The following GPR35 variants were observed in gnomAD, a reference collection of about 807,000 sequenced individuals.
GPR35 encodes the protein KYNA receptor.
For synonymous variants in GPR35, 207 were observed against 198.4 expected (o/e 1.04, Z -0.36); for missense variants, 372 against 422.5 (o/e 0.88, Z 1.05).
At position 240,614,993 on chromosome 2, in the gene GPR35, C is replaced by T. The variant is rs571429353; in HGVS notation, c.-576-1395C>T. On this transcript the variant is annotated intron_variant, in intron 2 of 5. Transcript: ENST00000319838. ...ATATGTATCTATGTGTGTTTATATG[C>T]GAGTGTGCATGTGTGTATGCAGTGC... 4.0e-5 allele frequency among the ~76,000 whole-genome samples: 6 copies of T among 151,754 alleles called. No individual in the cohort carries two copies. The South Asian group carries it at 8.3e-4, about 21-fold the overall frequency.
rs769631074 is a variant in GPR35, at chr2:240,613,015, A to G, written c.-576-3373A>G. ...CTGCAGAAGCTGAGCAATCAGCCTCATCAGTGGCAATTCCTGGAACTCCAA... is the reference window on the plus strand; with the variant it reads ...CTGCAGAAGCTGAGCAATCAGCCTCGTCAGTGGCAATTCCTGGAACTCCAA... On this transcript the variant is annotated intron_variant, in intron 2 of 5. Coordinates refer to the GPR35 transcript ENST00000319838. Among the ~76,000 whole-genome samples, 54 of 152,266 alleles carry G rather than the reference A, an allele frequency of 3.5e-4. 1 individual carries two copies. Among genetic ancestry groups the G allele is most frequent in the Non-Finnish European group, 4.6e-4 (31 of 68,046 alleles).
chr2:240,627,657 T>G (rs1212117530), intron 1 of GPR35: 1 of 117,362 alleles, frequency 8.5e-6, no homozygotes, highest in Non-Finnish European at 1.8e-5. Context: ...TTTTTTTTTG[T>G]AGAGACGGGG....
chr2:240,619,118 C>A, intron 5 of GPR35: 1 of 658,540 alleles, frequency 1.5e-6, no homozygotes, highest in East Asian at 2.8e-5. Context: ...ATCCACCTGC[C>A]TGGGGGTTTG....
chr2:240,616,514 G>A (rs2043238886), intron 3 of GPR35: 1 of 779,216 alleles, frequency 1.3e-6, no homozygotes, highest in Admixed American at 1.7e-5. Flanking sequence ...AGATTCAGGT[G>A]AGAGTTTTGG....
At chr2:240,606,638 T>A (rs2043137131) in intron 2 of GPR35, 1 of 150,432 alleles carries the variant, frequency 6.6e-6, no homozygotes, top group Non-Finnish European at 1.5e-5. Flanking sequence ...AGACAGGGGG[T>A]TCATAGAAGA....
At chr2:240,617,515 C>T (rs375354589) in intron 4 of GPR35, 3 of 412,026 alleles carry the variant, frequency 7.3e-6, no homozygotes, top group South Asian at 6.5e-5. Flanking sequence ...CTACTTCTGT[C>T]TTCCTTCATT....
chr2:240,631,283 T>G lies in GPR35; in HGVS notation c.*401T>G. 4.4e-6 allele frequency: 1 copy of G among 229,304 alleles called. No individual in the cohort carries two copies. Among genetic ancestry groups the G allele is most frequent in the Non-Finnish European group, 9.3e-6 (1 of 107,178 alleles). 14.2% of individuals were successfully genotyped at this position (229,304 alleles called of 1,614,324 possible). On this transcript the variant is annotated 3_prime_UTR_variant, in exon 2 of 2. Transcript: ENST00000407714. ...TAGTGGGGCCCTCTGTGTTTCGCAC[T>G]CGTGTGGTGGGAGGCAGGGAGGGAG...
chr2:240,618,856 G>A (rs1425380606), intron 4 of GPR35: 3 of 630,422 alleles, frequency 4.8e-6, no homozygotes, highest in African/African-American at 3.6e-5. Context: ...ATATGACAGT[G>A]TGTAGAAATA....
chr2:240,617,458 T>C, intron 4 of GPR35: 1 of 546,926 alleles, frequency 1.8e-6, no homozygotes. Context: ...TAATTAACCC[T>C]AATGCTAGTT....
At chr2:240,619,728 C>T (rs560650343) in intron 5 of GPR35, among the ~76,000 whole-genome samples, 1 of 152,384 alleles carries the variant, frequency 6.6e-6, no homozygotes. Context: ...GTTACTCCTC[C>T]CTCCCCGCCA....
intron 1 of GPR35, chr2:240,629,082 CTA>C (rs1181300453): frequency 2.0e-5 from 3 of 152,432 alleles, no homozygotes; most frequent in Non-Finnish European, 4.4e-5. Context: ...CCTTCCTGGG[CTA>C]TGTCGCGGAG....
intron 2 of GPR35, among the ~76,000 whole-genome samples, chr2:240,608,151 C>T (rs1472892403): frequency 3.3e-5 from 5 of 152,204 alleles, no homozygotes; most frequent in Non-Finnish European, 7.3e-5. Context: ...TTCAGCCTCC[C>T]CACATGTTGG....
upstream of GPR35, among the ~76,000 whole-genome samples, chr2:240,620,971 G>A (rs1227346214): frequency 6.6e-6 from 1 of 152,374 alleles, no homozygotes; most frequent in Middle Eastern, 3.4e-3. Flanking sequence ...GGCAAGATCA[G>A]TGGGGGAGGG....
At position 240,616,316 on chromosome 2, in the gene GPR35, C is replaced by T. The variant is rs147299818; in HGVS notation, c.-576-72C>T. 125 of 692,362 alleles carry T rather than the reference C, an allele frequency of 1.8e-4. 1 individual carries two copies. Among genetic ancestry groups the T allele is most frequent in the African/African-American group, 6.7e-4 (38 of 56,580 alleles). The allele number at this position is 692,362 out of a possible 1,614,324, so 42.9% of individuals were successfully genotyped here. ...CCACAGGATGCATACGAGGTCCCCG[C>T]GGTCCCGGCCGACATACCTGTTGGG... On this transcript the variant is annotated intron_variant, in intron 2 of 5. Transcript: ENST00000319838.
chr2:240,620,901 C>T (rs895728671), upstream of GPR35, among the ~76,000 whole-genome samples: 6 of 152,232 alleles, frequency 3.9e-5, no homozygotes, highest in South Asian at 2.1e-4. Flanking sequence ...AGCAGGGCAT[C>T]TAGGACAGAG....
intron 2 of GPR35, among the ~76,000 whole-genome samples, chr2:240,613,264 T>C (rs1056868725): frequency 1.3e-5 from 2 of 149,834 alleles, no homozygotes; most frequent in African/African-American, 2.5e-5. Context: ...AGATGAGGAG[T>C]GAGCAGAGAG....
rs1299038691 is a variant in GPR35 at position 240,631,756 on chromosome 2, C to T, written c.*874C>T. ...TCCTGTACTCCTGCATGGAGGGCAT[C>T]TCGAAACCCAAGCTGGAAGGACAGG... On this transcript the variant is annotated 3_prime_UTR_variant, in exon 2 of 2. Transcript: ENST00000407714. Among the ~76,000 whole-genome samples the T allele has an allele frequency of 6.6e-6, 1 of 152,216 alleles. No individual in the cohort carries two copies. Among genetic ancestry groups the T allele is most frequent in the East Asian group, 1.9e-4 (1 of 5,194 alleles).
At chr2:240,609,353 A>C (rs1361956016) in intron 2 of GPR35, among the ~76,000 whole-genome samples, 1 of 152,206 alleles carries the variant, frequency 6.6e-6, no homozygotes, top group African/African-American at 2.4e-5. Flanking sequence ...TGAGAGCTAC[A>C]GATTTTCCTC....
At chr2:240,622,861 C>T (rs1455568975), upstream of GPR35, among the ~76,000 whole-genome samples, 1 of 152,202 alleles carries the variant, frequency 6.6e-6, no homozygotes, top group African/African-American at 2.4e-5. Context: ...GGCGGAGGGC[C>T]CCGGGCAGTG....
Sources: gnomAD v4.1 joint callset for allele counts (sites outside exome capture counted in the v4.1 genomes callset) on GRCh38, gnomAD v4.1.1 for gene constraint, MANE v1.5 for transcripts, NCBI Gene and HGNC (gene_info 2026-07-23, HGNC 2026-07-21) for gene names.